The following ENOX1 variants were observed in gnomAD, a reference collection of about 807,000 sequenced individuals.
ENOX1 encodes candidate growth-related and time keeping constitutive hydroquinone (NADH) oxidase.
ENOX1 carries 42 observed loss-of-function variants against 82.5 expected under a neutral mutation model. That is an observed-to-expected ratio of 0.51 (90% CI 0.40 to 0.66). The LOEUF (loss-of-function observed/expected upper bound fraction) is 0.66. ENOX1 is among the 30% of genes least tolerant of loss of function. The pLI is 0.00. For missense variants in ENOX1, 608 were observed against 811.6 expected (o/e 0.75, Z 3.05); for synonymous variants, 271 against 282.2 (o/e 0.96, Z 0.40).
chr13:43,536,471 A>G (rs2078464688), intron 2 of ENOX1, among the ~76,000 whole-genome samples: 1 of 152,302 alleles, frequency 6.6e-6, no homozygotes, highest in East Asian at 1.9e-4. Flanking sequence ...CAAAAATCCC[A>G]TACTTTGCTG....
chr13:43,759,507 CA>C (rs1221356612), intron 1 of ENOX1, among the ~76,000 whole-genome samples: 1 of 152,144 alleles, frequency 6.6e-6, no homozygotes, highest in Non-Finnish European at 1.5e-5. Flanking sequence ...TTCAACCCCT[CA>C]TGCTATACTG....
intron 1 of ENOX1, among the ~76,000 whole-genome samples, chr13:43,694,641 T>A (rs1169956504): frequency 6.6e-6 from 1 of 152,228 alleles, no homozygotes; most frequent in Non-Finnish European, 1.5e-5. Context: ...TTGCTGTCAC[T>A]TTTATAATGC....
At chr13:43,681,557 T>G (rs2085784513) in intron 1 of ENOX1, among the ~76,000 whole-genome samples, 1 of 152,152 alleles carries the variant, frequency 6.6e-6, no homozygotes, top group African/African-American at 2.4e-5. Context: ...AAATGTGTTT[T>G]ATTATTGACT....
At position 43,712,240 on chromosome 13, in the gene ENOX1, G is replaced by A. The variant is rs1301454199; in HGVS notation, c.-284-44696C>T. 6.2e-5 allele frequency among the ~76,000 whole-genome samples: 9 copies of A among 146,268 alleles called. 1 individual carries two copies. The South Asian group carries it at 6.8e-4, about 11-fold the overall frequency. On this transcript the variant is annotated intron_variant, in intron 1 of 16. Coordinates refer to ENST00000690772, the MANE Select transcript of ENOX1 (RefSeq NM_001347969.2). ...AAAGATCAGATAGTTGTAGATATGC[G>A]GCATTATTTCTGAGGGCTCTGTTCT...
At chr13:43,768,197 T>C (rs768196439) in intron 1 of ENOX1, among the ~76,000 whole-genome samples, 3 of 152,240 alleles carry the variant, frequency 2.0e-5, no homozygotes, top group Non-Finnish European at 4.4e-5. Flanking sequence ...TACTGTTTAA[T>C]TGTTCTATAT....
At chr13:43,404,681 G>C (rs78692732) in intron 5 of ENOX1, among the ~76,000 whole-genome samples, 1 of 152,114 alleles carries the variant, frequency 6.6e-6, no homozygotes, top group African/African-American at 2.4e-5. Context: ...ATCACTGGTC[G>C]GTCAGGCCAA....
chr13:43,277,350 G>A (rs1454103866), intron 12 of ENOX1, among the ~76,000 whole-genome samples: 2 of 152,214 alleles, frequency 1.3e-5, no homozygotes, highest in African/African-American at 4.8e-5. Flanking sequence ...TGACCCTGCT[G>A]TTAAGATCCT....
At chr13:43,604,011 A>G (rs2081866336) in intron 2 of ENOX1, among the ~76,000 whole-genome samples, 1 of 146,692 alleles carries the variant, frequency 6.8e-6, no homozygotes, top group Non-Finnish European at 1.5e-5. Context: ...CCAATAGTGT[A>G]AAAGTGTTCC....
chr13:43,757,871 G>C (rs546176099), intron 1 of ENOX1, among the ~76,000 whole-genome samples: 1 of 151,940 alleles, frequency 6.6e-6, no homozygotes, highest in Admixed American at 6.5e-5. Flanking sequence ...ACAAAAACCT[G>C]TACAGGAATG....
At chr13:43,511,335 G>C (rs2153675300) in intron 2 of ENOX1, among the ~76,000 whole-genome samples, 1 of 152,238 alleles carries the variant, frequency 6.6e-6, no homozygotes, top group East Asian at 1.9e-4. Context: ...CATTCTTAGT[G>C]TTGGTAATAT....
intron 3 of ENOX1, among the ~76,000 whole-genome samples, chr13:43,445,255 C>G (rs569344249): frequency 5.3e-5 from 8 of 151,828 alleles, no homozygotes; most frequent in African/African-American, 1.7e-4. Context: ...TCCCAAGTAG[C>G]TGGGACTACA....
chr13:43,273,704 T>C (rs2044830822), intron 12 of ENOX1, among the ~76,000 whole-genome samples: 2 of 152,336 alleles, frequency 1.3e-5, no homozygotes, highest in South Asian at 4.1e-4. Flanking sequence ...CTGCTGCTCT[T>C]GTCCAGGGCA....
chr13:43,589,216 GAAAAAAAAAAAAAAA>G (rs58912569), intron 2 of ENOX1, among the ~76,000 whole-genome samples: 1 of 79,770 alleles, frequency 1.3e-5, no homozygotes, highest in African/African-American at 5.3e-5. Flanking sequence ...GACATTAATG[GAAAAAAAAAAAAAAA>G]AAAAAAAAGC....
chr13:43,344,809 C>G, intron 8 of ENOX1, 59 bp from the exon 9 acceptor site: 1 of 1,537,406 alleles, frequency 6.5e-7, no homozygotes, highest in Admixed American at 1.7e-5. Context: ...ACACTTTATT[C>G]TTGTTCCTCT....
In ENOX1 at chr13:43,213,544, C is replaced by CTTTTTTTTTTTTTTTTTTTTTTTT. The variant is rs3043205; in HGVS notation, c.*445_*446insAAAAAAAAAAAAAAAAAAAAAAAA. ...TTTTTCTTTTTTTCTTTTTCTTTTTCTTTTTTTTTTTTTTTTTTTTTTTAC... is the reference window on the plus strand; with the variant it reads ...TTTTTCTTTTTTTCTTTTTCTTTTTCTTTTTTTTTTTTTTTTTTTTTTTTTTTTTTTTTTTTTTTTTTTTTTTAC... On this transcript the variant is annotated 3_prime_UTR_variant, in exon 17 of 17. Transcript: ENST00000690772. The CTTTTTTTTTTTTTTTTTTTTTTTT allele has an allele frequency of 1.4e-4, 12 of 84,004 alleles. No homozygotes were observed. Among genetic ancestry groups the CTTTTTTTTTTTTTTTTTTTTTTTT allele is most frequent in the Non-Finnish European group, 1.8e-4 (8 of 43,718 alleles). The allele number at this position is 84,004 out of a possible 1,614,324, so 5.2% of individuals were successfully genotyped here.
chr13:43,415,799 C>T (rs7491690), intron 3 of ENOX1, among the ~76,000 whole-genome samples: 24,511 of 151,746 alleles, frequency 0.16, 2,495 homozygotes, highest in East Asian at 0.52. Flanking sequence ...ATGGGGCGGC[C>T]GGGCAGAAGC....
At chr13:43,385,033 T>C (rs1238022378) in intron 5 of ENOX1, among the ~76,000 whole-genome samples, 1 of 152,178 alleles carries the variant, frequency 6.6e-6, no homozygotes, top group Non-Finnish European at 1.5e-5. Context: ...ATCATGGCAC[T>C]ACTGGAACTG....
intron 2 of ENOX1, among the ~76,000 whole-genome samples, chr13:43,649,954 G>C (rs747859163): frequency 1.3e-5 from 2 of 152,138 alleles, no homozygotes; most frequent in Non-Finnish European, 2.9e-5. Context: ...CCTGCTACCT[G>C]ACAACCCTCC....
chr13:43,293,128 A>G (rs1244414973), intron 12 of ENOX1, among the ~76,000 whole-genome samples: 1 of 151,824 alleles, frequency 6.6e-6, no homozygotes, highest in East Asian at 1.9e-4. Flanking sequence ...CATTTTCACT[A>G]CCATAGCCAC....
Sources: gnomAD v4.1 joint callset for allele counts (sites outside exome capture counted in the v4.1 genomes callset) on GRCh38, gnomAD v4.1.1 for gene constraint, MANE v1.5 for transcripts, NCBI Gene and HGNC (gene_info 2026-07-23, HGNC 2026-07-21) for gene names.